SUGCT: variants seen among roughly 807,000 people sequenced by gnomAD.
SUGCT encodes the protein succinyl-CoA:glutarate CoA-transferase.
SUGCT carries 41 observed loss-of-function variants against 55.0 expected under a neutral mutation model. The observed-to-expected ratio is 0.74, with a 90% CI of 0.58 to 0.97. SUGCT has a LOEUF of 0.97. Ranked by LOEUF, SUGCT falls within the 50% of genes least tolerant of loss-of-function variation. The pLI is 0.00. For missense variants in SUGCT, 568 were observed against 547.8 expected, an observed-to-expected ratio of 1.04 and a Z score of -0.37; for synonymous variants, 187 against 200.4, an observed-to-expected ratio of 0.93 and a Z score of 0.56.
chr7:40,846,042 G>T (rs944695625), intron 13 of SUGCT, among the ~76,000 whole-genome samples: 78 of 152,250 alleles, frequency 5.1e-4, no homozygotes, highest in African/African-American at 1.8e-3. Flanking sequence ...ACGTGATCTG[G>T]CTTCTCTGAC....
At chr7:40,935,696 G>A in the SUGCT span, among the ~76,000 whole-genome samples, 1 of 152,060 alleles carries the variant, frequency 6.6e-6, no homozygotes, top group Non-Finnish European at 1.5e-5. Flanking sequence ...GAATAATACT[G>A]CTATTTGCAG....
chr7:40,702,503 C>T (rs1785210220), intron 12 of SUGCT, among the ~76,000 whole-genome samples: 1 of 152,218 alleles, frequency 6.6e-6, no homozygotes. Context: ...GGACTATGGG[C>T]ATCCATCTGC....
chr7:40,575,902 C>T (rs1367618530), intron 12 of SUGCT, among the ~76,000 whole-genome samples: 8 of 150,710 alleles, frequency 5.3e-5, no homozygotes, highest in Admixed American at 4.6e-4. Context: ...CGAGATTGTG[C>T]CACTGCACTC....
At chr7:40,558,182 G>A (rs1020410851) in intron 12 of SUGCT, among the ~76,000 whole-genome samples, 2 of 151,948 alleles carry the variant, frequency 1.3e-5, no homozygotes, top group Non-Finnish European at 2.9e-5. Flanking sequence ...AATGTAAAAT[G>A]GTGCAGCCTC....
the SUGCT span, among the ~76,000 whole-genome samples, chr7:41,038,650 G>A: frequency 6.6e-6 from 1 of 152,134 alleles, no homozygotes; most frequent in African/African-American, 2.4e-5. Context: ...AACCCAGTTT[G>A]AACTCCCCAT....
intron 12 of SUGCT, among the ~76,000 whole-genome samples, chr7:40,637,964 T>C (rs950130089): frequency 1.8e-4 from 27 of 152,256 alleles, no homozygotes; most frequent in African/African-American, 6.3e-4. Flanking sequence ...CATTATTATC[T>C]GTCCTGATAC....
intron 6 of SUGCT, among the ~76,000 whole-genome samples, chr7:40,224,662 A>C (rs1788226918): frequency 6.6e-6 from 1 of 152,114 alleles, no homozygotes; most frequent in Non-Finnish European, 1.5e-5. Context: ...TATTTGAAAA[A>C]CATCATAGGC....
At chr7:40,157,933 G>C (rs909928188) in intron 1 of SUGCT, among the ~76,000 whole-genome samples, 6 of 152,194 alleles carry the variant, frequency 3.9e-5, no homozygotes, top group Admixed American at 2.0e-4. Context: ...TTGGGGCCAG[G>C]CACAGTTGCT....
At chr7:40,642,014 A>G (rs186897709) in intron 12 of SUGCT, among the ~76,000 whole-genome samples, 32 of 152,284 alleles carry the variant, frequency 2.1e-4, no homozygotes, top group Admixed American at 1.8e-3. Context: ...TAGTGCGATG[A>G]TGATAAACCC....
At chr7:40,986,081 C>A in the SUGCT span, among the ~76,000 whole-genome samples, 1 of 152,058 alleles carries the variant, frequency 6.6e-6, no homozygotes, top group African/African-American at 2.4e-5. Flanking sequence ...CAACATGAGC[C>A]GAATTTTGTC....
At chr7:40,670,139 C>G (rs1157292244) in intron 12 of SUGCT, among the ~76,000 whole-genome samples, 2 of 142,602 alleles carry the variant, frequency 1.4e-5, no homozygotes, top group African/African-American at 2.7e-5. Context: ...AAACTGCACT[C>G]CAGCCTGGGT....
In SUGCT at chr7:40,425,424, T is replaced by TA. The variant is rs543340746; in HGVS notation, c.817-23856dup. ...TTGTCTAACACCCTAAATTTATAGG[T>TA]AAAAAAACTGCCACCTGACCAATTT... On this transcript the variant is annotated intron_variant, in intron 9 of 13. Coordinates refer to ENST00000335693, the MANE Select transcript of SUGCT (RefSeq NM_001193313.2). 1.1e-4 allele frequency among the ~76,000 whole-genome samples: 17 copies of TA among 152,210 alleles called. No individual in the cohort carries two copies. The South Asian group carries it at 3.3e-3, about 30-fold the overall frequency.
At chr7:40,923,442 G>C in the SUGCT span, among the ~76,000 whole-genome samples, 1 of 152,150 alleles carries the variant, frequency 6.6e-6, no homozygotes, top group African/African-American at 2.4e-5. Flanking sequence ...CCATGGTTTT[G>C]CACCATTTAC....
intron 9 of SUGCT, among the ~76,000 whole-genome samples, chr7:40,438,978 A>G (rs569906778): frequency 6.9e-6 from 1 of 145,880 alleles, no homozygotes; most frequent in South Asian, 2.1e-4. Context: ...ACTATAATAT[A>G]CTACTGTATA....
At chr7:40,716,920 G>A (rs1786053575) in intron 12 of SUGCT, among the ~76,000 whole-genome samples, 1 of 151,932 alleles carries the variant, frequency 6.6e-6, no homozygotes, top group Non-Finnish European at 1.5e-5. Flanking sequence ...TATATAACTA[G>A]ATTTTAAAGA....
the SUGCT span, among the ~76,000 whole-genome samples, chr7:40,866,904 T>A: frequency 6.6e-6 from 1 of 151,790 alleles, no homozygotes; most frequent in Non-Finnish European, 1.5e-5. Context: ...TCATACAACC[T>A]GGGTGACATG....
At chr7:40,156,912 G>A (rs1783924195) in intron 1 of SUGCT, among the ~76,000 whole-genome samples, 2 of 151,628 alleles carry the variant, frequency 1.3e-5, no homozygotes, top group South Asian at 4.2e-4. Flanking sequence ...GCTACTCAGA[G>A]GCTGAGGTAC....
Position 40,701,680 on chromosome 7 carries a change from A to G in SUGCT, c.1090-47754A>G, listed in dbSNP as rs547820285. Among the ~76,000 whole-genome samples, 43 of 152,306 alleles carry G rather than the reference A, an allele frequency of 2.8e-4. No individual in the cohort carries two copies. In the South Asian group the frequency reaches 6.6e-3, roughly 24 times the overall value. ...TCTCCTTTCTACCAAATTTTGTTTA[A>G]TTAGCTAGTGTATTTTCACTGTTGA... On this transcript the variant is annotated intron_variant, in intron 12 of 13. Transcript: ENST00000335693.
At chr7:40,937,639 T>A in the SUGCT span, among the ~76,000 whole-genome samples, 1 of 152,230 alleles carries the variant, frequency 6.6e-6, no homozygotes, top group Non-Finnish European at 1.5e-5. Flanking sequence ...TGTATCATTA[T>A]AAAATTTTGC....
Sources: gnomAD v4.1 joint callset for allele counts (sites outside exome capture counted in the v4.1 genomes callset) on GRCh38, gnomAD v4.1.1 for gene constraint, MANE v1.5 for transcripts, NCBI Gene and HGNC (gene_info 2026-07-23, HGNC 2026-07-21) for gene names.